Variants in RMDN1 observed in about 807,000 individuals in gnomAD.
The protein encoded by RMDN1 is regulator of microtubule dynamics 1.
Under a neutral mutation model 48.9 loss-of-function variants are expected in RMDN1, and 48 were observed. The ratio of observed to expected loss-of-function variants is 0.98; its 90% CI spans 0.78 to 1.25. RMDN1 has a LOEUF of 1.25. Among genes scored for constraint, RMDN1 ranks in the 50% most tolerant of loss-of-function variants. RMDN1 has a pLI of 0.00. For synonymous variants in RMDN1, 148 were observed against 132.6 expected (o/e 1.12, Z -0.80); for missense variants, 418 against 373.4 (o/e 1.12, Z -0.98).
rs185566544 is a variant in RMDN1 at position 86,506,861 on chromosome 8, T to G, written c.247+134A>C. Reference sequence around the variant, plus strand: ...GGGAAGTTGTTTTCCCATTTCTCACTGAGCAGATTGTGAATATTTCCATAT... The same window carrying G: ...GGGAAGTTGTTTTCCCATTTCTCACGGAGCAGATTGTGAATATTTCCATAT... On this transcript the variant is annotated intron_variant, in intron 2 of 9. Transcript: ENST00000406452. The G allele has an allele frequency of 2.1e-5, 12 of 573,918 alleles. No individual in the cohort carries two copies. The East Asian group carries it at 3.4e-4, about 16-fold the overall frequency. The allele number at this position is 573,918 out of a possible 1,614,324, so 35.6% of individuals were successfully genotyped here. A position where few individuals can be genotyped will look rare whatever the true frequency, so the allele number is the denominator to read the frequency against.
chr8:86,473,478 T>G lies in RMDN1; in HGVS notation c.*830A>C, dbSNP rs1167292355. The G allele has an allele frequency of 1.0e-6, 1 of 985,298 alleles. No individual in the cohort carries two copies. Among genetic ancestry groups the G allele is most frequent in the African/African-American group, 1.7e-5 (1 of 57,232 alleles). 61.0% of individuals were successfully genotyped at this position (985,298 alleles called of 1,614,324 possible). ...CCATGAGACTACACCACATTTAAAG[T>G]AAACTGGCCAGGTGCGGTGGCTCAC... On this transcript the variant is annotated 3_prime_UTR_variant, in exon 10 of 10. Coordinates refer to ENST00000406452, the MANE Select transcript of RMDN1 (RefSeq NM_016033.3).
At chr8:86,514,288 GGCCTCGAA>G in exon 1 of RMDN1, 1 of 985,154 alleles carries the variant, frequency 1.0e-6, no homozygotes, top group Non-Finnish European at 1.2e-6. Flanking sequence ...CCTCCAGAAT[GGCCTCGAA>G]GCGCCAGCCT....
chr8:86,488,693 G>A, intron 2 of RMDN1, 54 bp from the exon 3 acceptor site: 1 of 1,209,378 alleles, frequency 8.3e-7, no homozygotes, highest in East Asian at 2.5e-5. Flanking sequence ...TCCCAAGTCA[G>A]ATGACAATAA....
chr8:86,500,882 C>T (rs1818099659), intron 2 of RMDN1, among the ~76,000 whole-genome samples: 1 of 152,124 alleles, frequency 6.6e-6, no homozygotes, highest in Non-Finnish European at 1.5e-5. Context: ...AAACCCAAAT[C>T]ACATCCATTG....
At chr8:86,495,353 C>T (rs1479982196) in intron 2 of RMDN1, among the ~76,000 whole-genome samples, 1 of 152,146 alleles carries the variant, frequency 6.6e-6, no homozygotes, top group African/African-American at 2.4e-5. Flanking sequence ...TAAGACCCCT[C>T]CAAGACATTT....
At chr8:86,482,468 A>G in intron 5 of RMDN1, 1 of 560,802 alleles carries the variant, frequency 1.8e-6, no homozygotes, top group Non-Finnish European at 3.3e-6. Flanking sequence ...GCCATATATT[A>G]TTAGAAAGTG....
At chr8:86,492,567 C>G (rs1009715065) in intron 2 of RMDN1, among the ~76,000 whole-genome samples, 1 of 151,818 alleles carries the variant, frequency 6.6e-6, no homozygotes, top group Admixed American at 6.6e-5. Flanking sequence ...GCAGGGAAAT[C>G]GCTGGAACCC....
rs1563656556 is a variant in RMDN1 at position 86,503,381 on chromosome 8, A to ACAAAC, written c.247+3613_247+3614insGTTTG. On this transcript the variant is annotated intron_variant, in intron 2 of 9. Coordinates refer to ENST00000406452, the MANE Select transcript of RMDN1 (RefSeq NM_016033.3). ...CAAAACAAAACAAAACAAAAAAAAA[A>ACAAAC]AAAAAAAACAAAAAAAAATAACAAA... Among the ~76,000 whole-genome samples the ACAAAC allele has an allele frequency of 2.3e-3, 163 of 69,368 alleles. 7 individuals are homozygous for ACAAAC. The highest frequency in any genetic ancestry group is 0.017 in the African/African-American group (154 of 9,250). The allele number at this position is 69,368 out of a possible 152,430, so 45.5% of individuals were successfully genotyped here.
intron 2 of RMDN1, among the ~76,000 whole-genome samples, chr8:86,502,250 T>G (rs868635850): frequency 6.6e-6 from 1 of 152,202 alleles, no homozygotes; most frequent in Middle Eastern, 3.2e-3. Context: ...CAAGTCTTTT[T>G]TTTTGAGACA....
downstream of RMDN1, among the ~76,000 whole-genome samples, chr8:86,470,978 C>T (rs1396664197): frequency 6.6e-6 from 1 of 152,022 alleles, no homozygotes. Context: ...CAAAAATCTA[C>T]ATGTGATAGA....
intron 2 of RMDN1, among the ~76,000 whole-genome samples, chr8:86,497,758 A>G (rs1051762751): frequency 6.6e-6 from 1 of 151,994 alleles, no homozygotes; most frequent in Non-Finnish European, 1.5e-5. Context: ...CCAGATAAAC[A>G]TAATCAGAAT....
chr8:86,504,316 G>C (rs1209107888), intron 2 of RMDN1: 3 of 1,579,754 alleles, frequency 1.9e-6, no homozygotes, highest in East Asian at 2.2e-5. Flanking sequence ...GATGCAAGAT[G>C]AGAGTGCAAG....
At position 86,508,631 on chromosome 8, in the gene RMDN1, T is replaced by C. The variant is rs1819821517; in HGVS notation, c.-11A>G. The C allele has an allele frequency of 2.5e-6, 4 of 1,596,770 alleles. No individual in the cohort carries two copies. The highest frequency in any genetic ancestry group is 1.3e-5 in the African/African-American group (1 of 74,470). On this transcript the variant is annotated 5_prime_UTR_variant, in exon 1 of 10. Transcript: ENST00000406452. ...AGCAGCCAGCGCCATGACCTGCAAC[T>C]TGCGGGCTGACCCTGCACTACTTCA...
intron 2 of RMDN1, among the ~76,000 whole-genome samples, chr8:86,503,125 G>A (rs375785759): frequency 1.9e-3 from 295 of 152,012 alleles, no homozygotes; most frequent in African/African-American, 6.6e-3. Flanking sequence ...AGGCCGAGGC[G>A]GCCAGATCAT....
chr8:86,510,826 A>G (rs1471049216), upstream of RMDN1, among the ~76,000 whole-genome samples: 1 of 152,172 alleles, frequency 6.6e-6, no homozygotes, highest in Non-Finnish European at 1.5e-5. Flanking sequence ...GAAGTTTGAT[A>G]ACCTTAAGAA....
At chr8:86,501,598 G>A (rs558444313) in intron 2 of RMDN1, among the ~76,000 whole-genome samples, 32 of 152,038 alleles carry the variant, frequency 2.1e-4, no homozygotes, top group African/African-American at 6.3e-4. Context: ...ACCCGGGCCC[G>A]GGGAGGTAGA....
Position 86,488,648 on chromosome 8 carries a change from A to G in RMDN1, c.248-9T>C. The stretch of plus-strand genomic sequence containing the variant: ...TTCAAGTATTTCTTCAACTTCAAAG[A>G]TTATAAAGGAAAAAAGACACAATAA... On this transcript the variant is annotated splice_polypyrimidine_tract_variant and intron_variant, in intron 2 of 9. Transcript: ENST00000406452. 6.3e-7 allele frequency: 1 copy of G among 1,592,630 alleles called. No individual in the cohort carries two copies. The highest frequency in any genetic ancestry group is 1.1e-5 in the South Asian group (1 of 88,936).
At chr8:86,477,229 A>G in intron 8 of RMDN1, 65 bp downstream of exon 8, 1 of 1,140,950 alleles carries the variant, frequency 8.8e-7, no homozygotes, top group Non-Finnish European at 1.3e-6. Context: ...CATTGCTATT[A>G]TAGTATATAT....
chr8:86,486,275 CAA>C (rs965888711), intron 4 of RMDN1, among the ~76,000 whole-genome samples: 2 of 151,880 alleles, frequency 1.3e-5, no homozygotes, highest in African/African-American at 2.4e-5. Context: ...TTTACAAAAA[CAA>C]AGACTTCTTT....
Sources: allele counts gnomAD v4.1 joint callset (sites outside exome capture counted in the v4.1 genomes callset), GRCh38; gene constraint gnomAD v4.1.1; transcripts MANE v1.5; gene names NCBI Gene and HGNC (gene_info 2026-07-23, HGNC 2026-07-21).